Variants in RORA observed in about 807,000 individuals in gnomAD.
RORA encodes nuclear receptor ROR-alpha.
Under a neutral mutation model 69.5 loss-of-function variants are expected in RORA, and 7 were observed. That is an observed-to-expected ratio of 0.10 (90% CI 0.06 to 0.19). RORA has a LOEUF of 0.19. Ranked by LOEUF, RORA falls within the 10% of genes least tolerant of loss-of-function variation. The probability of loss-of-function intolerance (pLI) is 1.00; values close to 1 mark genes in which losing one functional copy is unlikely to be tolerated. For missense variants in RORA, 457 were observed against 663.0 expected (o/e 0.69, Z 3.41); for synonymous variants, 261 against 240.8 (o/e 1.08, Z -0.78).
chr15:61,188,648 T>C (rs1431994643), intron 1 of RORA, among the ~76,000 whole-genome samples: 1 of 152,072 alleles, frequency 6.6e-6, no homozygotes, highest in Non-Finnish European at 1.5e-5. Context: ...AAAATAATAA[T>C]TTAAATAAAT....
intron 1 of RORA, among the ~76,000 whole-genome samples, chr15:60,694,518 A>C (rs1004259101): frequency 2.0e-5 from 3 of 152,106 alleles, no homozygotes; most frequent in Admixed American, 2.0e-4. Context: ...GAGAGTTTCG[A>C]TGGTGTATTG....
In RORA at chr15:60,511,772, G is replaced by A. The variant is rs1296303225; in HGVS notation, c.425-151C>T. The stretch of plus-strand genomic sequence containing the variant: ...AAGGACATATTCAGAGGTGAAAACA[G>A]TTCCAACCCACACAGACTCGCTCCA... On this transcript the variant is annotated intron_variant, in intron 4 of 10. Transcript: ENST00000335670. The surrounding 1 kb of genome is among the most constrained non-coding windows in gnomAD (Gnocchi z 6.4). The A allele has an allele frequency of 1.2e-6, 1 of 806,432 alleles. No homozygotes were observed. The highest frequency in any genetic ancestry group is 1.9e-6 in the Non-Finnish European group (1 of 526,496). The allele number at this position is 806,432 out of a possible 1,614,324, so 50.0% of individuals were successfully genotyped here.
intron 2 of RORA, among the ~76,000 whole-genome samples, chr15:60,644,157 A>G (rs1393074843): frequency 2.6e-5 from 4 of 152,238 alleles, no homozygotes; most frequent in Admixed American, 6.5e-5. Flanking sequence ...TTTCTTATAC[A>G]GGCAGCATGA....
chr15:61,185,019 AGAAG>A (rs1430911352), intron 1 of RORA, among the ~76,000 whole-genome samples: 2 of 151,602 alleles, frequency 1.3e-5, no homozygotes, highest in Admixed American at 6.6e-5. Context: ...AAGAAGAAGA[AGAAG>A]AAGGACTGTT....
chr15:60,815,533 T>G (rs2072797235), intron 1 of RORA, among the ~76,000 whole-genome samples: 1 of 152,052 alleles, frequency 6.6e-6, no homozygotes, highest in Admixed American at 6.6e-5. Flanking sequence ...TTGGCAACTC[T>G]AAGGGCCCAA....
rs527399581 is a variant in RORA at position 60,949,139 on chromosome 15, C to T, written c.167-270453G>A. On this transcript the variant is annotated intron_variant, in intron 1 of 10. Transcript: ENST00000335670. ...CATCTCTGAAGCACCTAGCATGCACCAGGCACCTTGTTACACCCAGTAGCA... is the reference window on the plus strand; with the variant it reads ...CATCTCTGAAGCACCTAGCATGCACTAGGCACCTTGTTACACCCAGTAGCA... Among the ~76,000 whole-genome samples the T allele has an allele frequency of 3.9e-5, 6 of 152,242 alleles. No homozygotes were observed. The East Asian group carries it at 1.2e-3, about 29-fold the overall frequency.
At chr15:60,977,330 G>T (rs1008551831) in intron 1 of RORA, among the ~76,000 whole-genome samples, 1 of 151,894 alleles carries the variant, frequency 6.6e-6, no homozygotes, top group Non-Finnish European at 1.5e-5. Flanking sequence ...CATGTCAGTC[G>T]TCAGTTTAAC....
chr15:61,032,088 A>G (rs1285029270), intron 1 of RORA, among the ~76,000 whole-genome samples: 1 of 152,218 alleles, frequency 6.6e-6, no homozygotes, highest in Non-Finnish European at 1.5e-5. Flanking sequence ...TGTATGTCAA[A>G]TTCAGCACAT....
At chr15:60,900,765 G>A (rs1214939879) in intron 1 of RORA, among the ~76,000 whole-genome samples, 1 of 151,978 alleles carries the variant, frequency 6.6e-6, no homozygotes, top group Non-Finnish European at 1.5e-5. Context: ...CCAGCTACTC[G>A]GGAGGCTGAG....
intron 1 of RORA, among the ~76,000 whole-genome samples, chr15:61,101,673 G>C (rs2078882084): frequency 6.6e-6 from 1 of 151,878 alleles, no homozygotes; most frequent in African/African-American, 2.4e-5. Context: ...GTCCTCAGGG[G>C]AAAAGAAAGC....
intron 1 of RORA, among the ~76,000 whole-genome samples, chr15:60,794,354 T>A (rs1046403273): frequency 2.0e-5 from 3 of 152,226 alleles, no homozygotes; most frequent in Admixed American, 1.3e-4. Context: ...TCTTCCTTTT[T>A]TAATTTGCTC....
intron 1 of RORA, among the ~76,000 whole-genome samples, chr15:61,188,938 G>A (rs1457177784): frequency 6.6e-6 from 1 of 152,130 alleles, no homozygotes; most frequent in South Asian, 2.1e-4. Flanking sequence ...AACTAATATT[G>A]CAAGTACTCA....
chr15:61,007,968 C>T (rs975156199), intron 1 of RORA, among the ~76,000 whole-genome samples: 17 of 151,142 alleles, frequency 1.1e-4, no homozygotes, highest in East Asian at 3.9e-4. Context: ...AGAGCTTGTT[C>T]GTGTATTTCT....
At chr15:60,776,835 A>T (rs2072174656) in intron 1 of RORA, among the ~76,000 whole-genome samples, 1 of 152,174 alleles carries the variant, frequency 6.6e-6, no homozygotes, top group African/African-American at 2.4e-5. Context: ...TAAACCTGCA[A>T]CCTGCCTCCC....
intron 2 of RORA, among the ~76,000 whole-genome samples, chr15:60,546,856 A>C (rs2067085551): frequency 6.6e-6 from 1 of 152,204 alleles, no homozygotes; most frequent in South Asian, 2.1e-4. Flanking sequence ...CGTGATTACT[A>C]TCAGATTATG....
intron 1 of RORA, among the ~76,000 whole-genome samples, chr15:60,688,200 A>C (rs1296418432): frequency 6.6e-6 from 1 of 152,150 alleles, no homozygotes; most frequent in Non-Finnish European, 1.5e-5. Flanking sequence ...TTCCAGCTGC[A>C]TTATGAGAAA....
Position 61,066,879 on chromosome 15 carries a change from CAAAAAAAAAAAAAA to C in RORA, c.166+162160_166+162173del, listed in dbSNP as rs33936803. Among the ~76,000 whole-genome samples the C allele has an allele frequency of 5.0e-3, 357 of 71,304 alleles. 4 individuals are homozygous for C. Among genetic ancestry groups the C allele is most frequent in the African/African-American group, 0.019 (332 of 17,866 alleles). 46.8% of individuals were successfully genotyped at this position (71,304 alleles called of 152,430 possible). On this transcript the variant is annotated intron_variant, in intron 1 of 10. Coordinates refer to ENST00000335670, the MANE Select transcript of RORA (RefSeq NM_134261.3). ...TATGAAAGGAAAGGGTTCATAAGAC[CAAAAAAAAAAAAAA>C]AAAAAAAAAAAAACCCAAAAAGGTG...
At chr15:60,726,648 C>CTGCATGTGTCTCCCGTGGGGCTGCAGAA (rs2071360683) in intron 1 of RORA, among the ~76,000 whole-genome samples, 1 of 152,212 alleles carries the variant, frequency 6.6e-6, no homozygotes. Flanking sequence ...ACAGCCTCGT[C>CTGCATGTGTCTCCCGTGGGGCTGCAGAA]TGCATGTGTC....
At position 61,133,597 on chromosome 15, in the gene RORA, T is replaced by C. The variant is rs145067650; in HGVS notation, c.166+95456A>G. Among the ~76,000 whole-genome samples the C allele has an allele frequency of 1.1e-3, 166 of 152,264 alleles. 1 individual carries two copies. The highest frequency in any genetic ancestry group is 3.9e-3 in the African/African-American group (162 of 41,556). ...GGAAAGGGTGAGTCACAAGTCGGGA[T>C]GGCCAAGGAGGGCCCAGACAGACAA... On this transcript the variant is annotated intron_variant, in intron 1 of 10. Coordinates refer to ENST00000335670, the MANE Select transcript of RORA (RefSeq NM_134261.3).
Sources: allele counts gnomAD v4.1 joint callset (sites outside exome capture counted in the v4.1 genomes callset), GRCh38; gene constraint gnomAD v4.1.1; non-coding constraint Gnocchi (gnomAD v3.1); transcripts MANE v1.5; gene names NCBI Gene and HGNC (gene_info 2026-07-23, HGNC 2026-07-21).